The following MYO1D variants were observed in gnomAD, a reference collection of about 807,000 sequenced individuals.
The protein encoded by MYO1D is myosin ID, also known as unconventional myosin-Id.
A neutral mutation model predicts 122.0 loss-of-function variants in MYO1D; 83 were observed. That is an observed-to-expected ratio of 0.68 (90% confidence interval 0.57 to 0.82). MYO1D has a LOEUF of 0.82. MYO1D is among the 40% of genes least tolerant of loss of function. MYO1D has a pLI of 0.00. For missense variants in MYO1D, 1,157 were observed against 1,269.5 expected, an observed-to-expected ratio of 0.91 and a Z score of 1.35; for synonymous variants, 464 against 446.9, an observed-to-expected ratio of 1.04 and a Z score of -0.48.
rs1340386628 is a variant in MYO1D, at chr17:32,720,135, G to C, written c.1913+888C>G. On this transcript the variant is annotated intron_variant, in intron 15 of 21. Transcript: ENST00000318217. ...TTTTTGGGGGGAAAACTATAGTCGA[G>C]ATTATAGAAAATGTTCAATAAGTGT... is the stretch of plus-strand genomic sequence containing the variant. Among the ~76,000 whole-genome samples, 8 of 152,166 alleles carry C rather than the reference G, an allele frequency of 5.3e-5. No individual in the cohort carries two copies. The East Asian group carries it at 1.5e-3, about 29-fold the overall frequency.
rs187274712 is a variant in MYO1D, at chr17:32,574,349, T to C, written c.2864+30738A>G. 2.6e-4 allele frequency among the ~76,000 whole-genome samples: 39 copies of C among 152,122 alleles called. No individual in the cohort carries two copies. The East Asian group carries it at 2.9e-3, about 11-fold the overall frequency. On this transcript the variant is annotated intron_variant, in intron 21 of 21. Coordinates refer to ENST00000318217, the MANE Select transcript of MYO1D (RefSeq NM_015194.3). Reference sequence around the variant, plus strand: ...CCAGATTGATGCACCCAAGATGAAATTTTGTAAAGCTAGCTAATTTAAATT... The same window carrying C: ...CCAGATTGATGCACCCAAGATGAAACTTTGTAAAGCTAGCTAATTTAAATT...
chr17:32,808,369 TAAA>T (rs201707206), intron 1 of MYO1D, among the ~76,000 whole-genome samples: 1 of 133,094 alleles, frequency 7.5e-6, no homozygotes. Flanking sequence ...CCTGTCTCTT[TAAA>T]AAAAAAAAAA....
At chr17:32,642,107 A>G (rs1178887274) in intron 19 of MYO1D, among the ~76,000 whole-genome samples, 3 of 152,160 alleles carry the variant, frequency 2.0e-5, no homozygotes, top group Non-Finnish European at 4.4e-5. Flanking sequence ...TAATTTTTGT[A>G]TGAGGTGTAA....
intron 21 of MYO1D, among the ~76,000 whole-genome samples, chr17:32,560,911 C>A (rs968332038): frequency 2.1e-5 from 3 of 146,026 alleles, no homozygotes; most frequent in Non-Finnish European, 4.5e-5. Flanking sequence ...AGCCACTATG[C>A]GTGGCTTTTT....
chr17:32,724,546 T>A (rs991310120), intron 14 of MYO1D, among the ~76,000 whole-genome samples: 21 of 152,236 alleles, frequency 1.4e-4, no homozygotes, highest in African/African-American at 5.1e-4. Flanking sequence ...AGAACCCAGG[T>A]TTGAGGCTGC....
chr17:32,874,330 C>CTCTCTCTTTGTGTCTCTG (rs2091210348), intron 1 of MYO1D, among the ~76,000 whole-genome samples: 2 of 151,754 alleles, frequency 1.3e-5, no homozygotes, highest in Middle Eastern at 3.2e-3. Context: ...GTCTCTGTCT[C>CTCTCTCTTTGTGTCTCTG]TCTCTGTTTT....
At chr17:32,557,087 A>T (rs1326240300) in intron 21 of MYO1D, among the ~76,000 whole-genome samples, 1 of 151,592 alleles carries the variant, frequency 6.6e-6, no homozygotes, top group African/African-American at 2.4e-5. Context: ...CAGTGAAATG[A>T]TGTGTGCCTT....
chr17:32,590,971 T>C (rs1019052086), intron 21 of MYO1D, among the ~76,000 whole-genome samples: 1 of 152,234 alleles, frequency 6.6e-6, no homozygotes, highest in Non-Finnish European at 1.5e-5. Context: ...TATTTTTGGA[T>C]TCACTCTTTC....
intron 20 of MYO1D, among the ~76,000 whole-genome samples, chr17:32,616,283 T>A (rs961059902): frequency 1.3e-5 from 2 of 152,196 alleles, no homozygotes; most frequent in South Asian, 4.2e-4. Context: ...TTTTGGGACA[T>A]CTTGGGAGTG....
intron 8 of MYO1D, among the ~76,000 whole-genome samples, chr17:32,764,535 C>T (rs1043000531): frequency 1.3e-5 from 2 of 152,090 alleles, no homozygotes; most frequent in Non-Finnish European, 2.9e-5. Context: ...TACCCATAAA[C>T]ATATACAATT....
chr17:32,801,764 A>G (rs2090463258), intron 1 of MYO1D, among the ~76,000 whole-genome samples: 1 of 152,206 alleles, frequency 6.6e-6, no homozygotes, highest in South Asian at 2.1e-4. Flanking sequence ...TGACACACCA[A>G]TGGCAACAAC....
chr17:32,638,241 A>T (rs1465145652), intron 20 of MYO1D, among the ~76,000 whole-genome samples: 1 of 152,244 alleles, frequency 6.6e-6, no homozygotes, highest in Admixed American at 6.5e-5. Context: ...CTGTATGGTT[A>T]TAGTGAACAA....
chr17:32,776,058 T>C (rs1265553366), intron 3 of MYO1D, 29 bp from the exon 4 acceptor site: 2 of 1,594,218 alleles, frequency 1.3e-6, no homozygotes, highest in Non-Finnish European at 1.7e-6. Context: ...AAAGTCATTA[T>C]AAAAACTTAT....
rs1189761856 is a variant in MYO1D at position 32,780,709 on chromosome 17, G to A, written c.171C>T (p.Ile57=). 10 of 1,613,992 alleles carry A rather than the reference G, an allele frequency of 6.2e-6. No individual in the cohort carries two copies. Among genetic ancestry groups the A allele is most frequent in the African/African-American group, 2.7e-5 (2 of 74,858 alleles). Residue 57 remains isoleucine, a synonymous_variant, in exon 2 of 22, where the codon ATC becomes ATT. Coordinates refer to ENST00000318217, the MANE Select transcript of MYO1D (RefSeq NM_015194.3). ...VSVNPYKLLN[I]YGRDTIEQYK... is the part of the protein sequence containing the mutation. ...ACTGCTCAATTGTGTCTCTTCCATA[G>A]ATGTTCAACAACTTGTAAGGGTTCA...
In MYO1D at chr17:32,548,716, C is replaced by CT. The variant is rs200304112; in HGVS notation, c.2865-53802dup. On this transcript the variant is annotated intron_variant, in intron 21 of 21. Coordinates refer to ENST00000318217, the MANE Select transcript of MYO1D (RefSeq NM_015194.3). ...AATTCTTTTTAAATTATTTTTTGGT[C>CT]TTTTTTTTTTTTTTTGAGATGGAGT... 5.2e-3 allele frequency among the ~76,000 whole-genome samples: 702 copies of CT among 134,702 alleles called. 6 individuals are homozygous for CT. Among genetic ancestry groups the CT allele is most frequent in the African/African-American group, 0.016 (576 of 35,898 alleles). The allele number at this position is 134,702 out of a possible 152,430, so 88.4% of individuals were successfully genotyped here. A position where few individuals can be genotyped will look rare whatever the true frequency, so the allele number is the denominator to read the frequency against.
At chr17:32,515,406 C>T (rs903330849) in intron 21 of MYO1D, among the ~76,000 whole-genome samples, 5 of 152,204 alleles carry the variant, frequency 3.3e-5, no homozygotes, top group Admixed American at 6.5e-5. Context: ...ATCTTCCTGC[C>T]TTAGCCTCCT....
At chr17:32,694,707 CAAAAAAAAA>C (rs58606294) in intron 16 of MYO1D, among the ~76,000 whole-genome samples, 10 of 55,920 alleles carry the variant, frequency 1.8e-4, no homozygotes, top group African/African-American at 3.0e-4. Flanking sequence ...GACTCCGTCT[CAAAAAAAAA>C]AAAAAAAAAA....
intron 19 of MYO1D, among the ~76,000 whole-genome samples, chr17:32,641,844 T>C (rs1229704802): frequency 2.0e-5 from 3 of 152,206 alleles, no homozygotes; most frequent in Admixed American, 1.3e-4. Flanking sequence ...CTTTGTCAGA[T>C]GAGTAGATTG....
chr17:32,687,047 A>T (rs1330028001), intron 16 of MYO1D, among the ~76,000 whole-genome samples: 1 of 152,016 alleles, frequency 6.6e-6, no homozygotes, highest in Non-Finnish European at 1.5e-5. Flanking sequence ...AGGTACTTAC[A>T]AAGTGTTCAA....
Sources: allele counts gnomAD v4.1 joint callset (sites outside exome capture counted in the v4.1 genomes callset), GRCh38; gene constraint gnomAD v4.1.1; transcripts MANE v1.5; gene names NCBI Gene and HGNC (gene_info 2026-07-23, HGNC 2026-07-21).